The following BCR variants were observed in gnomAD, a reference collection of about 807,000 sequenced individuals.
BCR encodes BCR activator of RhoGEF and GTPase, also known as breakpoint cluster region protein.
BCR carries 58 observed loss-of-function variants against 138.6 expected under a neutral mutation model. That is an observed-to-expected ratio of 0.42 (90% confidence interval 0.34 to 0.52). The LOEUF (loss-of-function observed/expected upper bound fraction) is 0.52, where lower values mean the gene tolerates loss of function less well. BCR is among the 20% of genes least tolerant of loss of function. The pLI, the probability that BCR is intolerant of heterozygous loss-of-function variation, is 0.06. For synonymous variants in BCR, 786 were observed against 730.1 expected (o/e 1.08, Z -1.23); for missense variants, 1,599 against 1,727.2 (o/e 0.93, Z 1.32).
rs1491455796 is a variant in BCR at position 23,304,733 on chromosome 22, T to TA, written c.3013-4690dup. 6.6e-5 allele frequency among the ~76,000 whole-genome samples: 10 copies of TA among 152,318 alleles called. 1 individual carries two copies. The Middle Eastern group carries it at 0.02, about 311-fold the overall frequency. ...TCTCTACATCCTCACCGATGCTGGT[T>TA]ATAGTGTATCCTAAGGGAGAAGGGT... On this transcript the variant is annotated intron_variant, in intron 16 of 22. Coordinates refer to ENST00000305877, the MANE Select transcript of BCR (RefSeq NM_004327.4).
intron 16 of BCR, among the ~76,000 whole-genome samples, chr22:23,303,362 G>A (rs538489480): frequency 2.6e-5 from 4 of 152,118 alleles, no homozygotes; most frequent in Admixed American, 6.5e-5. Context: ...GGCGGATACC[G>A]TCATGAAGGC....
rs751127191 is a variant in BCR, at chr22:23,295,195, G to T, written c.3012+40G>T. 3.7e-6 allele frequency: 6 copies of T among 1,609,006 alleles called. No individual in the cohort carries two copies. The African/African-American group carries it at 8.0e-5, about 22-fold the overall frequency. ...CCTACCCTCCCCTGCCCGATGCATG[G>T]CGTCCTTTTTCATGCAGCCCCTGGG... On this transcript the variant is annotated intron_variant, in intron 16 of 22. Coordinates refer to ENST00000305877, the MANE Select transcript of BCR (RefSeq NM_004327.4).
intron 2 of BCR, among the ~76,000 whole-genome samples, chr22:23,257,077 C>A (rs2073302830): frequency 1.3e-5 from 2 of 152,160 alleles, no homozygotes; most frequent in South Asian, 4.1e-4. Context: ...AAGCACAGCC[C>A]TGAGTTATAA....
rs2074088493 is a variant in BCR at position 23,317,726 on chromosome 22, C to T, written c.*2204C>T. 1.0e-5 allele frequency: 1 copy of T among 97,210 alleles called. No homozygotes were observed. Among genetic ancestry groups the T allele is most frequent in the South Asian group, 4.0e-4 (1 of 2,470 alleles). 6.0% of individuals were successfully genotyped at this position (97,210 alleles called of 1,614,324 possible). On this transcript the variant is annotated 3_prime_UTR_variant, in exon 23 of 23. Coordinates refer to ENST00000305877, the MANE Select transcript of BCR (RefSeq NM_004327.4). ...GCTTTGGGTCTACAGCTACGTCTTA[C>T]CCACCTCCTGCCTCAACAGCCTGTG...
At chr22:23,206,072 G>A (rs1170293253) in intron 1 of BCR, among the ~76,000 whole-genome samples, 2 of 152,196 alleles carry the variant, frequency 1.3e-5, no homozygotes, top group Non-Finnish European at 2.9e-5. Flanking sequence ...AGTTGCCGGA[G>A]GAGGAAAAGC....
At chr22:23,186,080 G>A (rs1335512324) in intron 1 of BCR, among the ~76,000 whole-genome samples, 1 of 152,198 alleles carries the variant, frequency 6.6e-6, no homozygotes, top group East Asian at 1.9e-4. Flanking sequence ...GGAAGAGAGG[G>A]AGAGGCACAC....
intron 1 of BCR, among the ~76,000 whole-genome samples, chr22:23,196,344 G>A (rs1275478489): frequency 3.9e-5 from 6 of 152,184 alleles, no homozygotes; most frequent in African/African-American, 1.2e-4. Flanking sequence ...CTAAAGTAAC[G>A]GTAACATAAG....
In BCR at chr22:23,297,207, G is replaced by GTTT. The variant is rs1307353327; in HGVS notation, c.3012+2056_3012+2058dup. Among the ~76,000 whole-genome samples the GTTT allele has an allele frequency of 4.5e-3, 436 of 97,282 alleles. 30 individuals are homozygous for GTTT. Among genetic ancestry groups the GTTT allele is most frequent in the African/African-American group, 9.8e-3 (201 of 20,514 alleles). 63.8% of individuals were successfully genotyped at this position (97,282 alleles called of 152,430 possible). On this transcript the variant is annotated intron_variant, in intron 16 of 22. Transcript: ENST00000305877. ...GTGCCCCACCATGCCTGGCTAAGTT[G>GTTT]TTTTTTGTTTTTTGTTTTTTTTTTT...
intron 1 of BCR, among the ~76,000 whole-genome samples, chr22:23,188,992 G>A (rs570393416): frequency 5.3e-4 from 81 of 151,956 alleles, no homozygotes; most frequent in African/African-American, 1.8e-3. Flanking sequence ...ACAGCCTCCC[G>A]AGTAGCTGGG....
chr22:23,304,097 C>CTGT (rs1229578118), intron 16 of BCR, among the ~76,000 whole-genome samples: 1 of 96,240 alleles, frequency 1.0e-5, no homozygotes, highest in African/African-American at 4.8e-5. Context: ...CCATGCCAGG[C>CTGT]TATTTTTTTT....
intron 2 of BCR, among the ~76,000 whole-genome samples, chr22:23,254,197 G>T (rs985293272): frequency 5.9e-5 from 9 of 152,094 alleles, no homozygotes; most frequent in Non-Finnish European, 7.4e-5. Context: ...TGAACTGAGC[G>T]TGGAGGAGGC....
At chr22:23,191,505 A>C (rs2072414382) in intron 1 of BCR, among the ~76,000 whole-genome samples, 1 of 152,198 alleles carries the variant, frequency 6.6e-6, no homozygotes, top group Non-Finnish European at 1.5e-5. Flanking sequence ...TCCCCTGCGT[A>C]TCTTTCTTTA....
At chr22:23,196,927 GTTGGGGACCCCTGCCC>G (rs1385415897) in intron 1 of BCR, among the ~76,000 whole-genome samples, 1 of 152,200 alleles carries the variant, frequency 6.6e-6, no homozygotes, top group Non-Finnish European at 1.5e-5. Context: ...TGGCCCGGGG[GTTGGGGACCCCTGCCC>G]TTGGGGATCC....
At chr22:23,265,899 T>C (rs2073435578) in intron 4 of BCR, among the ~76,000 whole-genome samples, 1 of 152,196 alleles carries the variant, frequency 6.6e-6, no homozygotes, top group South Asian at 2.1e-4. Flanking sequence ...TGAGATACTA[T>C]TATTTAATAT....
chr22:23,205,740 G>A (rs1336671416), intron 1 of BCR, among the ~76,000 whole-genome samples: 1 of 151,842 alleles, frequency 6.6e-6, no homozygotes, highest in Non-Finnish European at 1.5e-5. Context: ...TTGTGGCTGA[G>A]AGGCAAAATC....
rs150250005 is a variant in BCR, at chr22:23,183,870, C to T, written c.1279+1631C>T. ...TGGCCATGTTGGCCACATCACTAGA[C>T]GCCGAATGCAAGTCAGTAAATGAAT... On this transcript the variant is annotated intron_variant, in intron 1 of 22. Transcript: ENST00000305877. Among the ~76,000 whole-genome samples the T allele has an allele frequency of 5.3e-4, 81 of 152,310 alleles. 1 individual carries two copies. Among genetic ancestry groups the T allele is most frequent in the African/African-American group, 1.9e-3 (80 of 41,564 alleles).
intron 1 of BCR, among the ~76,000 whole-genome samples, chr22:23,213,247 A>G (rs2072707873): frequency 6.6e-6 from 1 of 152,172 alleles, no homozygotes; most frequent in Non-Finnish European, 1.5e-5. Context: ...GGGTACATCC[A>G]AGGCTCTGCC....
intron 8 of BCR, among the ~76,000 whole-genome samples, chr22:23,282,248 A>G (rs2073654648): frequency 6.6e-6 from 1 of 152,212 alleles, no homozygotes; most frequent in Admixed American, 6.5e-5. Context: ...CTCCAGCTCT[A>G]CATGATGTTT....
At chr22:23,261,296 T>C (rs1393103645) in intron 3 of BCR, 59 bp from the exon 4 acceptor site, 8 of 1,527,646 alleles carry the variant, frequency 5.2e-6, no homozygotes, top group African/African-American at 1.4e-5. Flanking sequence ...TGCCATACAA[T>C]GCACCTGACG....
Sources: allele counts gnomAD v4.1 joint callset (sites outside exome capture counted in the v4.1 genomes callset), GRCh38; gene constraint gnomAD v4.1.1; transcripts MANE v1.5; gene names NCBI Gene and HGNC (gene_info 2026-07-23, HGNC 2026-07-21).